The following RPS6KA2 variants were observed in gnomAD, a reference collection of about 807,000 sequenced individuals.
RPS6KA2 encodes ribosomal protein S6 kinase alpha-2.
A neutral mutation model predicts 91.8 loss-of-function variants in RPS6KA2; 42 were observed. That is an observed-to-expected ratio of 0.46 (90% confidence interval 0.36 to 0.59). The LOEUF (loss-of-function observed/expected upper bound fraction) is 0.59, where lower values mean the gene tolerates loss of function less well. Among genes scored for constraint, RPS6KA2 ranks in the 20% least tolerant of loss-of-function variants. The pLI, the probability that RPS6KA2 is intolerant of heterozygous loss-of-function variation, is 0.00. For missense variants in RPS6KA2, 798 were observed against 978.5 expected (o/e 0.82, Z 2.46); for synonymous variants, 414 against 393.6 (o/e 1.05, Z -0.61).
At chr6:166,809,127 A>G (rs899042890) in intron 2 of RPS6KA2, among the ~76,000 whole-genome samples, 1 of 152,186 alleles carries the variant, frequency 6.6e-6, no homozygotes, top group Non-Finnish European at 1.5e-5. Context: ...TGAATTTTAT[A>G]TCGGTGGTTT....
intron 2 of RPS6KA2, among the ~76,000 whole-genome samples, chr6:166,856,579 G>GC (rs1230140221): frequency 6.6e-6 from 1 of 152,204 alleles, no homozygotes; most frequent in Non-Finnish European, 1.5e-5. Flanking sequence ...ACCCATCCTG[G>GC]CTCAGGGCCT....
In RPS6KA2 at chr6:166,533,044, GC is replaced by G. The variant is rs1228493275; in HGVS notation, c.217-1732del. 1.3e-5 allele frequency among the ~76,000 whole-genome samples: 2 copies of G among 152,238 alleles called. No homozygotes were observed. Among genetic ancestry groups the G allele is most frequent in the Non-Finnish European group, 1.5e-5 (1 of 68,030 alleles). On this transcript the variant is annotated intron_variant, in intron 2 of 20. Transcript: ENST00000265678. This position sits in a 1 kb window ranked among gnomAD's most constrained non-coding sequence, Gnocchi z 4.0. ...AAGTTACTGCACATGGAAGGACTCT[GC>G]CTCAGGGTGTTCCCTCTGTGCAGTG...
chr6:166,737,447 CCTTA>C lies in RPS6KA2; in HGVS notation c.123+120749_123+120752del, dbSNP rs1790700062. Among the ~76,000 whole-genome samples the C allele has an allele frequency of 6.6e-6, 1 of 152,110 alleles. No homozygotes were observed. Among genetic ancestry groups the C allele is most frequent in the Admixed American group, 6.6e-5 (1 of 15,264 alleles). Reference sequence around the variant, plus strand: ...CAGACACCTCGAGAAATGACGCACGCCTTACTCATTTATAATCAGCATCAAGCAG... The same window carrying C: ...CAGACACCTCGAGAAATGACGCACGCCTCATTTATAATCAGCATCAAGCAG... On this transcript the variant is annotated intron_variant, in intron 2 of 21. Transcript: ENST00000503859. The surrounding 1 kb of genome is among the most constrained non-coding windows in gnomAD (Gnocchi z 4.3).
In RPS6KA2 at chr6:166,433,016, G is replaced by T. The variant is rs1198148406; in HGVS notation, c.1333-526C>A. ...TCTCAAAAAAAAAAAAAAAAAAGGAGTACAAGACTTCAGACATGAATTTTA... is the reference window on the plus strand; with the variant it reads ...TCTCAAAAAAAAAAAAAAAAAAGGATTACAAGACTTCAGACATGAATTTTA... On this transcript the variant is annotated intron_variant, in intron 14 of 20. Coordinates refer to ENST00000265678, the MANE Select transcript of RPS6KA2 (RefSeq NM_021135.6). The surrounding 1 kb of genome is among the most constrained non-coding windows in gnomAD (Gnocchi z 4.4). Among the ~76,000 whole-genome samples, 3 of 145,074 alleles carry T rather than the reference G, an allele frequency of 2.1e-5. No individual in the cohort carries two copies. In the East Asian group the frequency reaches 6.0e-4, roughly 29 times the overall value.
chr6:166,771,861 T>C (rs1203289176), intron 2 of RPS6KA2, among the ~76,000 whole-genome samples: 3 of 152,106 alleles, frequency 2.0e-5, no homozygotes, highest in African/African-American at 7.2e-5. Flanking sequence ...GGGGCTGGCT[T>C]CTCCCGAGTG....
chr6:166,647,960 TTA>T (rs1562362697), intron 2 of RPS6KA2, among the ~76,000 whole-genome samples: 68 of 75,894 alleles, frequency 9.0e-4, no homozygotes, highest in African/African-American at 3.5e-3. Flanking sequence ...ATGCACATGC[TTA>T]CATACATACA....
intron 3 of RPS6KA2, among the ~76,000 whole-genome samples, chr6:166,528,894 T>G (rs578258648): frequency 1.3e-5 from 2 of 152,250 alleles, no homozygotes; most frequent in South Asian, 4.2e-4. Context: ...GCAGTTAGAA[T>G]GGTGATCATT....
chr6:166,420,430 T>G (rs60081076), intron 17 of RPS6KA2, among the ~76,000 whole-genome samples: 1,735 of 152,256 alleles, frequency 0.011, 34 homozygotes, highest in African/African-American at 0.038. Flanking sequence ...CCCCAACACC[T>G]ACCCTTCTAC....
chr6:166,429,289 G>T (rs1239595091), intron 16 of RPS6KA2, among the ~76,000 whole-genome samples: 2 of 122,610 alleles, frequency 1.6e-5, no homozygotes, highest in Admixed American at 1.8e-4. Flanking sequence ...ACTGTTGTGG[G>T]GTGGGGGGAG....
rs945140055 is a variant in RPS6KA2 at position 166,825,057 on chromosome 6, C to T, written c.123+33143G>A. The stretch of plus-strand genomic sequence containing the variant: ...CCGTCTTCTGCCTCCACCCACACAG[C>T]AGTGCTGCAGAGCGCTGTTCTTCCA... On this transcript the variant is annotated intron_variant, in intron 2 of 21. Coordinates refer to the RPS6KA2 transcript ENST00000503859. The surrounding 1 kb of genome is among the most constrained non-coding windows in gnomAD (Gnocchi z 4.1). Among the ~76,000 whole-genome samples, 1 of 152,254 alleles carries T rather than the reference C, an allele frequency of 6.6e-6. No individual in the cohort carries two copies. Among genetic ancestry groups the T allele is most frequent in the African/African-American group, 2.4e-5 (1 of 41,466 alleles).
At chr6:166,795,655 G>A (rs528116939) in intron 2 of RPS6KA2, among the ~76,000 whole-genome samples, 2 of 152,302 alleles carry the variant, frequency 1.3e-5, no homozygotes, top group Non-Finnish European at 2.9e-5. Flanking sequence ...TGAGGACTGC[G>A]GGGTGAGAAA....
Position 166,859,718 on chromosome 6 carries a change from G to A in RPS6KA2, c.64-1459C>T, listed in dbSNP as rs541049919. Among the ~76,000 whole-genome samples, 6 of 152,150 alleles carry A rather than the reference G, an allele frequency of 3.9e-5. No homozygotes were observed. The South Asian group carries it at 1.0e-3, about 26-fold the overall frequency. ...ATGGACCTCAGACCCAGTTCAGTTC[G>A]GTTCTCTCAGACTACAGATGAGAAA... On this transcript the variant is annotated intron_variant, in intron 1 of 21. Transcript: ENST00000503859.
At chr6:166,417,533 C>A (rs981529170) in intron 19 of RPS6KA2, among the ~76,000 whole-genome samples, 1 of 152,064 alleles carries the variant, frequency 6.6e-6, no homozygotes, top group Admixed American at 6.6e-5. Flanking sequence ...CCTTGGGGCT[C>A]CAGCCTGCCG....
intron 2 of RPS6KA2, among the ~76,000 whole-genome samples, chr6:166,817,488 G>A (rs1487635357): frequency 1.7e-4 from 26 of 152,068 alleles, no homozygotes; most frequent in Non-Finnish European, 5.9e-5. Context: ...AAACCTGTCT[G>A]CTAGATACTA....
chr6:166,626,965 G>A lies in RPS6KA2; in HGVS notation c.55C>T (p.Arg19Cys). The change falls in exon 1 of 21, where the codon CGC (arginine) becomes TGC (cysteine). Residue 19 changes from arginine (R) to cysteine (C), a missense_variant. Transcript: ENST00000265678. This position sits in a 1 kb window ranked among gnomAD's most constrained non-coding sequence, Gnocchi z 4.1. ...GAGCTCTTGGAGCGCGACTTCCTGCGCAGGTACACAGAGAAGAACCTGCGC... is the reference window on the plus strand; with the variant it reads ...GAGCTCTTGGAGCGCGACTTCCTGCACAGGTACACAGAGAAGAACCTGCGC... ...AVRRFFSVYL[R>C]RKSRSKSSSL... 4.5e-6 allele frequency: 7 copies of A among 1,566,480 alleles called. No individual in the cohort carries two copies. Among genetic ancestry groups the A allele is most frequent in the Non-Finnish European group, 6.1e-6 (7 of 1,155,988 alleles).
At chr6:166,422,720 CAG>C (rs751606068) in intron 17 of RPS6KA2, among the ~76,000 whole-genome samples, 29 of 152,350 alleles carry the variant, frequency 1.9e-4, no homozygotes, top group Non-Finnish European at 4.3e-4. Flanking sequence ...GGAGCAGACA[CAG>C]ACACTGAACA....
At chr6:166,708,452 A>C (rs1789751382) in intron 2 of RPS6KA2, among the ~76,000 whole-genome samples, 2 of 152,218 alleles carry the variant, frequency 1.3e-5, no homozygotes, top group Non-Finnish European at 2.9e-5. Context: ...ACTCTCAAAA[A>C]GCTAAGCCAC....
At position 166,626,064 on chromosome 6, in the gene RPS6KA2, C is replaced by A. The variant is rs933472225; in HGVS notation, c.99+857G>T. Among the ~76,000 whole-genome samples, 3 of 152,200 alleles carry A rather than the reference C, an allele frequency of 2.0e-5. No individual in the cohort carries two copies. Among genetic ancestry groups the A allele is most frequent in the Admixed American group, 6.5e-5 (1 of 15,288 alleles). ...GAGGCAAAGGCGGGACAGTGTCAGG[C>A]GAAATCTTTGGGTCCCAGCCTCAGT... is the stretch of plus-strand genomic sequence containing the variant. On this transcript the variant is annotated intron_variant, in intron 1 of 20. Coordinates refer to ENST00000265678, the MANE Select transcript of RPS6KA2 (RefSeq NM_021135.6). The surrounding 1 kb of genome is among the most constrained non-coding windows in gnomAD (Gnocchi z 4.1).
chr6:166,412,700 G>A lies in RPS6KA2; in HGVS notation c.*62C>T. 6.7e-7 allele frequency: 1 copy of A among 1,503,022 alleles called. No individual in the cohort carries two copies. Among genetic ancestry groups the A allele is most frequent in the Non-Finnish European group, 8.9e-7 (1 of 1,121,184 alleles). 93.1% of individuals were successfully genotyped at this position (1,503,022 alleles called of 1,614,324 possible). A position where few individuals can be genotyped will look rare whatever the true frequency, so the allele number is the denominator to read the frequency against. ...ACTCTGGGTGCCAGACGGGCTCCGAGGCCGGGGTCTGTGAGCCCACGAGGA... is the reference window on the plus strand; with the variant it reads ...ACTCTGGGTGCCAGACGGGCTCCGAAGCCGGGGTCTGTGAGCCCACGAGGA... On this transcript the variant is annotated 3_prime_UTR_variant, in exon 21 of 21. Coordinates refer to ENST00000265678, the MANE Select transcript of RPS6KA2 (RefSeq NM_021135.6). The surrounding 1 kb of genome is among the most constrained non-coding windows in gnomAD (Gnocchi z 4.3).
Sources: allele counts gnomAD v4.1 joint callset (sites outside exome capture counted in the v4.1 genomes callset), GRCh38; gene constraint gnomAD v4.1.1; non-coding constraint Gnocchi (gnomAD v3.1); transcripts MANE v1.5; gene names NCBI Gene and HGNC (gene_info 2026-07-23, HGNC 2026-07-21).